The following PALLD variants were observed in gnomAD, a reference collection of about 807,000 sequenced individuals.
PALLD encodes the protein palladin, cytoskeletal associated protein, also known as palladin.
PALLD carries 61 observed loss-of-function variants against 123.5 expected under a neutral mutation model. The observed-to-expected ratio is 0.49, with a 90% CI of 0.40 to 0.61. The LOEUF is 0.61. Among genes scored for constraint, PALLD ranks in the 20% least tolerant of loss-of-function variants. The pLI is 0.00. For missense variants in PALLD, 1,273 were observed against 1,377.0 expected, an observed-to-expected ratio of 0.92 and a Z score of 1.20; for synonymous variants, 465 against 496.4, an observed-to-expected ratio of 0.94 and a Z score of 0.84.
At chr4:168,894,201 T>C (rs1261473221) in intron 11 of PALLD, 4 of 302,810 alleles carry the variant, frequency 1.3e-5, no homozygotes, top group Non-Finnish European at 2.5e-5. Flanking sequence ...ACTTGGGTGT[T>C]CTGAAGCTGA....
intron 10 of PALLD, among the ~76,000 whole-genome samples, chr4:168,745,147 G>A (rs1360849007): frequency 6.6e-6 from 1 of 152,198 alleles, no homozygotes; most frequent in Admixed American, 6.5e-5. Context: ...CCATAGGACT[G>A]TTAAGAGGAT....
chr4:168,913,961 A>G lies in PALLD; in HGVS notation c.2657A>G (p.Gln886Arg), dbSNP rs767984785. 1.9e-6 allele frequency: 3 copies of G among 1,613,318 alleles called. No individual in the cohort carries two copies. Among genetic ancestry groups the G allele is most frequent in the East Asian group, 2.2e-5 (1 of 44,870 alleles). ...RISCTGRLMV[Q>R]AVNQRGRSPR... ...AGTTGTACTGGACGGCTAATGGTAC[A>G]GGCTGTCAACCAAAGAGGTCGAAGT... is the stretch of plus-strand genomic sequence containing the variant. The change falls in exon 16 of 22, where the codon CAG becomes CGG. Residue 886 changes from glutamine (Q) to arginine (R), a missense_variant. Transcript: ENST00000505667.
chr4:168,804,889 G>A (rs575104150), intron 10 of PALLD, among the ~76,000 whole-genome samples: 2 of 151,998 alleles, frequency 1.3e-5, no homozygotes, highest in African/African-American at 2.4e-5. Flanking sequence ...GGCCGGGTGT[G>A]GTGGCTCACA....
In PALLD at chr4:168,878,143, C is replaced by CTCGCCG. The variant is rs1292595346; in HGVS notation, c.1965-12773_1965-12768dup. ...AGCCCGAGGCCCCGTGGGGCTCCTC[C>CTCGCCG]TCGCCGTCGCCCCCGCCCCCGCCAC... On this transcript the variant is annotated intron_variant, in intron 10 of 21. Transcript: ENST00000505667. 17 of 1,488,752 alleles carry CTCGCCG rather than the reference C, an allele frequency of 1.1e-5. No individual in the cohort carries two copies. Among genetic ancestry groups the CTCGCCG allele is most frequent in the Admixed American group, 8.8e-5 (4 of 45,258 alleles). 92.2% of individuals were successfully genotyped at this position (1,488,752 alleles called of 1,614,324 possible).
chr4:168,769,369 ATTGGGAATTTCAGGCTT>A (rs760316904), intron 10 of PALLD, among the ~76,000 whole-genome samples: 2 of 152,150 alleles, frequency 1.3e-5, no homozygotes, highest in Admixed American at 6.5e-5. Context: ...AGGAGAAAGG[ATTGGGAATTTCAGGCTT>A]GAATCTCTGA....
intron 3 of PALLD, among the ~76,000 whole-genome samples, chr4:168,669,054 G>A (rs757607738): frequency 1.8e-4 from 28 of 152,204 alleles, no homozygotes; most frequent in Non-Finnish European, 3.5e-4. Flanking sequence ...AAGCACTGTA[G>A]TGTATATACT....
chr4:168,514,337 T>A (rs1204170691), intron 2 of PALLD, among the ~76,000 whole-genome samples: 3 of 152,170 alleles, frequency 2.0e-5, no homozygotes, highest in African/African-American at 7.2e-5. Flanking sequence ...GAAGTAAAAA[T>A]TAGCATTACT....
At chr4:168,796,966 C>T (rs1738601758) in intron 10 of PALLD, among the ~76,000 whole-genome samples, 1 of 152,100 alleles carries the variant, frequency 6.6e-6, no homozygotes, top group African/African-American at 2.4e-5. Flanking sequence ...GAATACCTGG[C>T]CTGTTCCACA....
chr4:168,503,069 C>T (rs754249721), intron 1 of PALLD, among the ~76,000 whole-genome samples: 9 of 150,824 alleles, frequency 6.0e-5, no homozygotes, highest in Non-Finnish European at 1.2e-4. Context: ...TTTCAAACAC[C>T]CGGTATTTCT....
intron 10 of PALLD, among the ~76,000 whole-genome samples, chr4:168,812,631 T>G (rs1741332584): frequency 2.0e-5 from 3 of 152,202 alleles, no homozygotes; most frequent in Admixed American, 2.0e-4. Context: ...GCAAAGATTT[T>G]CCATCTCAGG....
In PALLD at chr4:168,567,612, T is replaced by C. The variant is rs969488440; in HGVS notation, c.908+55200T>C. Among the ~76,000 whole-genome samples, 11 of 149,290 alleles carry C rather than the reference T, an allele frequency of 7.4e-5. No homozygotes were observed. The Admixed American group carries it at 7.4e-4, about 10-fold the overall frequency. ...TACATTATATATAATATATATAATA[T>C]ACACACATGTACACCATGGAATACT... On this transcript the variant is annotated intron_variant, in intron 2 of 21. Coordinates refer to ENST00000505667, the MANE Select transcript of PALLD (RefSeq NM_001166108.2).
chr4:168,900,750 T>G (rs561896988), intron 14 of PALLD, among the ~76,000 whole-genome samples: 29 of 152,334 alleles, frequency 1.9e-4, no homozygotes, highest in Admixed American at 1.9e-3. Flanking sequence ...TATAGAAAAC[T>G]TTTTACAATA....
At chr4:168,916,664 A>C (rs1760164285) in intron 17 of PALLD, among the ~76,000 whole-genome samples, 1 of 147,534 alleles carries the variant, frequency 6.8e-6, no homozygotes, top group Admixed American at 6.8e-5. Context: ...TCTGACTTTT[A>C]TTCCTCCCAT....
chr4:168,755,639 T>C (rs1392922130), intron 10 of PALLD, among the ~76,000 whole-genome samples: 1 of 152,202 alleles, frequency 6.6e-6, no homozygotes, highest in Non-Finnish European at 1.5e-5. Flanking sequence ...TGATCTAATT[T>C]AATTTTTTAA....
intron 1 of PALLD, among the ~76,000 whole-genome samples, chr4:168,501,612 C>G (rs1761412147): frequency 6.6e-6 from 1 of 152,130 alleles, no homozygotes; most frequent in African/African-American, 2.4e-5. Context: ...TTTGCTTCAC[C>G]AAATGTTTGC....
intron 3 of PALLD, among the ~76,000 whole-genome samples, chr4:168,674,269 C>T (rs1025472566): frequency 2.0e-5 from 3 of 151,856 alleles, no homozygotes; most frequent in Admixed American, 6.6e-5. Flanking sequence ...TGTGTCAGGC[C>T]GGTAGTTGCA....
intron 2 of PALLD, among the ~76,000 whole-genome samples, chr4:168,577,322 T>C (rs2149634564): frequency 6.6e-6 from 1 of 152,268 alleles, no homozygotes; most frequent in Middle Eastern, 3.4e-3. Context: ...CAGTCTTTTC[T>C]ACCGACTAAG....
At chr4:168,854,517 G>T (rs1447080250) in intron 10 of PALLD, among the ~76,000 whole-genome samples, 1 of 152,180 alleles carries the variant, frequency 6.6e-6, no homozygotes, top group Non-Finnish European at 1.5e-5. Flanking sequence ...TTTTGTAGGT[G>T]GGAAGCTGAA....
intron 10 of PALLD, among the ~76,000 whole-genome samples, chr4:168,730,869 C>A (rs1787103551): frequency 6.6e-6 from 1 of 152,132 alleles, no homozygotes; most frequent in African/African-American, 2.4e-5. Flanking sequence ...TCTTCTCTTA[C>A]CTGTTCATTC....
Sources: allele counts gnomAD v4.1 joint callset (sites outside exome capture counted in the v4.1 genomes callset), GRCh38; gene constraint gnomAD v4.1.1; transcripts MANE v1.5; gene names NCBI Gene and HGNC (gene_info 2026-07-23, HGNC 2026-07-21).